Variants in SLC22A23 observed in about 807,000 individuals in gnomAD.
SLC22A23 encodes the protein ion transporter protein.
In SLC22A23, 26 loss-of-function variants were observed where a neutral mutation model predicts 61.0. That is an observed-to-expected ratio of 0.43 (90% CI 0.31 to 0.59). The LOEUF is 0.59. SLC22A23 is among the 20% of genes least tolerant of loss of function. The pLI is 0.11. For synonymous variants in SLC22A23, 430 were observed against 413.9 expected, an observed-to-expected ratio of 1.04 and a Z score of -0.47; for missense variants, 796 against 934.7, an observed-to-expected ratio of 0.85 and a Z score of 1.94.
chr6:3,337,919 T>G (rs1359325469), intron 3 of SLC22A23, among the ~76,000 whole-genome samples: 1 of 152,174 alleles, frequency 6.6e-6, no homozygotes, highest in East Asian at 1.9e-4. Context: ...CAGGAAAAGC[T>G]CTCTACCCAC....
chr6:3,293,301 CAT>C (rs1258703827), intron 5 of SLC22A23, among the ~76,000 whole-genome samples: 3 of 152,344 alleles, frequency 2.0e-5, no homozygotes, highest in South Asian at 2.1e-4. Context: ...ATCTCTGCCA[CAT>C]GAGTCATTAA....
intron 4 of SLC22A23, 91 bp from the exon 5 acceptor site, chr6:3,298,309 G>A: frequency 6.9e-7 from 1 of 1,458,972 alleles, no homozygotes; most frequent in Non-Finnish European, 9.1e-7. Flanking sequence ...AGCTTCCCAG[G>A]CAGGTGGCGG....
intron 3 of SLC22A23, among the ~76,000 whole-genome samples, chr6:3,397,010 G>A (rs111885049): frequency 8.5e-5 from 13 of 152,188 alleles, no homozygotes; most frequent in African/African-American, 2.4e-4. Flanking sequence ...ACCCCGTCAC[G>A]CACGCCCACC....
rs1761865189 is a variant in SLC22A23, at chr6:3,304,899, A to T, written c.1083-6681T>A. Among the ~76,000 whole-genome samples the T allele has an allele frequency of 6.6e-6, 1 of 152,090 alleles. No homozygotes were observed. Among genetic ancestry groups the T allele is most frequent in the Non-Finnish European group, 1.5e-5 (1 of 68,010 alleles). ...GAGAAGACGCAGGGAGAGGAGAGGG[A>T]TGCAGGGCCCAGGGAGTGGAAGATC... On this transcript the variant is annotated intron_variant, in intron 4 of 9. Transcript: ENST00000406686. The surrounding 1 kb of genome is among the most constrained non-coding windows in gnomAD (Gnocchi z 4.3).
intron 1 of SLC22A23, among the ~76,000 whole-genome samples, chr6:3,455,204 G>GT (rs1218204889): frequency 3.3e-5 from 5 of 152,210 alleles, no homozygotes; most frequent in Admixed American, 1.3e-4. Context: ...CAAGGTGCAT[G>GT]TTTCAGCTAA....
At chr6:3,424,523 A>T (rs1770354110) in intron 1 of SLC22A23, among the ~76,000 whole-genome samples, 1 of 152,238 alleles carries the variant, frequency 6.6e-6, no homozygotes, top group Admixed American at 6.5e-5. Flanking sequence ...ATAAAGTTTA[A>T]TAAACTCCAT....
intron 3 of SLC22A23, among the ~76,000 whole-genome samples, chr6:3,361,990 T>C (rs964448261): frequency 5.9e-5 from 9 of 152,174 alleles, no homozygotes; most frequent in African/African-American, 1.2e-4. Context: ...TGTAGAAACA[T>C]GGAGGAAACC....
intron 9 of SLC22A23, among the ~76,000 whole-genome samples, chr6:3,280,221 A>G (rs1581591944): frequency 6.6e-6 from 1 of 152,196 alleles, no homozygotes; most frequent in Non-Finnish European, 1.5e-5. Flanking sequence ...CCGCCTAACA[A>G]GGTGCCTGTA....
At chr6:3,332,772 GTTTT>G (rs918098354) in intron 3 of SLC22A23, among the ~76,000 whole-genome samples, 2 of 149,334 alleles carry the variant, frequency 1.3e-5, no homozygotes, top group Admixed American at 6.7e-5. Flanking sequence ...TCTCTTTATA[GTTTT>G]TTTTTTAAAT....
At chr6:3,395,138 T>C (rs917881236) in intron 3 of SLC22A23, among the ~76,000 whole-genome samples, 2 of 152,216 alleles carry the variant, frequency 1.3e-5, no homozygotes, top group African/African-American at 2.4e-5. Flanking sequence ...TGCTCTCATG[T>C]CAGTGAAAAA....
intron 4 of SLC22A23, among the ~76,000 whole-genome samples, chr6:3,301,526 AT>A (rs1761607598): frequency 6.6e-6 from 1 of 152,246 alleles, no homozygotes; most frequent in African/African-American, 2.4e-5. Context: ...AATAATTAAA[AT>A]TTATTTATAT....
intron 1 of SLC22A23, among the ~76,000 whole-genome samples, chr6:3,450,095 G>A (rs1205723070): frequency 6.6e-6 from 1 of 152,238 alleles, no homozygotes; most frequent in Non-Finnish European, 1.5e-5. Context: ...AAGGGGATGT[G>A]AGAAACTGGT....
chr6:3,336,037 C>T (rs886387933), intron 3 of SLC22A23, among the ~76,000 whole-genome samples: 7 of 151,194 alleles, frequency 4.6e-5, no homozygotes, highest in Non-Finnish European at 7.4e-5. Flanking sequence ...TGCAGTGAGC[C>T]GAGATGGCGC....
chr6:3,315,114 G>T (rs999681314), intron 4 of SLC22A23, among the ~76,000 whole-genome samples: 1 of 152,020 alleles, frequency 6.6e-6, no homozygotes, highest in African/African-American at 2.4e-5. Context: ...GGCTCGAGGT[G>T]AGAATATTTT....
chr6:3,306,146 T>C (rs1439914304), intron 4 of SLC22A23, among the ~76,000 whole-genome samples: 2 of 151,620 alleles, frequency 1.3e-5, no homozygotes. Flanking sequence ...AAAGGGGCAA[T>C]AGAAGGGGGA....
intron 3 of SLC22A23, among the ~76,000 whole-genome samples, chr6:3,380,919 T>C (rs1766912844): frequency 6.6e-6 from 1 of 152,158 alleles, no homozygotes; most frequent in African/African-American, 2.4e-5. Flanking sequence ...TACAGGTAAC[T>C]GAATGCTCCA....
rs568798715 is a variant in SLC22A23 at position 3,451,104 on chromosome 6, T to C, written c.654+4802A>G. The stretch of plus-strand genomic sequence containing the variant: ...AAAATTGGGGCAAGTTCAGCTGGCA[T>C]TGATTATTGGCAAAAGTTCTAGAGA... On this transcript the variant is annotated intron_variant, in intron 1 of 9. Coordinates refer to ENST00000406686, the MANE Select transcript of SLC22A23 (RefSeq NM_015482.2). 7.9e-5 allele frequency among the ~76,000 whole-genome samples: 12 copies of C among 152,352 alleles called. No homozygotes were observed. The East Asian group carries it at 1.9e-3, about 24-fold the overall frequency.
In SLC22A23 at chr6:3,272,876, T is replaced by G; in HGVS notation, c.*179A>C. On this transcript the variant is annotated 3_prime_UTR_variant, in exon 10 of 10. Transcript: ENST00000406686. ...CTTGAAAGGGTTATTTCCAAAGAGT[T>G]TGTCTCCTCCGACCCGCGCTCCTTG... 1 of 538,786 alleles carries G rather than the reference T, an allele frequency of 1.9e-6. No individual in the cohort carries two copies. Among genetic ancestry groups the G allele is most frequent in the Non-Finnish European group, 3.2e-6 (1 of 309,994 alleles). The allele number at this position is 538,786 out of a possible 1,614,324, so 33.4% of individuals were successfully genotyped here.
At chr6:3,423,816 A>G (rs867541830) in intron 1 of SLC22A23, among the ~76,000 whole-genome samples, 4 of 152,236 alleles carry the variant, frequency 2.6e-5, no homozygotes, top group Admixed American at 6.5e-5. Flanking sequence ...ACAGAGCCGG[A>G]CTGTAGCATT....
Sources: gnomAD v4.1 joint callset for allele counts (sites outside exome capture counted in the v4.1 genomes callset) on GRCh38, gnomAD v4.1.1 for gene constraint, Gnocchi (gnomAD v3.1) non-coding constraint, MANE v1.5 for transcripts, NCBI Gene and HGNC (gene_info 2026-07-23, HGNC 2026-07-21) for gene names.